FBN3: variants seen among roughly 807,000 people sequenced by gnomAD.
FBN3 encodes fibrillin 3.
A neutral mutation model predicts 330.1 loss-of-function variants in FBN3; 234 were observed. The ratio of observed to expected loss-of-function variants is 0.71; its 90% CI spans 0.64 to 0.79. The LOEUF is 0.79. Ranked by LOEUF, FBN3 falls within the 30% of genes least tolerant of loss-of-function variation. The probability of loss-of-function intolerance (pLI) is 0.00; values close to 1 mark genes in which losing one functional copy is unlikely to be tolerated. For missense variants in FBN3, 3,606 were observed against 3,886.9 expected (o/e 0.93, Z 1.92); for synonymous variants, 1,458 against 1,517.3 (o/e 0.96, Z 0.91).
Position 8,073,226 on chromosome 19 carries a change from G to T in FBN3, c.7774C>A (p.Arg2592Ser), listed in dbSNP as rs368849172. ...TCAAAGCCAGAGGGGCAGACGCAGCGGAAGCCACCAAGAGTGTTGCGACAG... is the reference window on the plus strand; with the variant it reads ...TCAAAGCCAGAGGGGCAGACGCAGCTGAAGCCACCAAGAGTGTTGCGACAG... Reference protein sequence around the residue: ...ASCRNTLGGFRCVCPSGFDFD... With the variant: ...ASCRNTLGGFSCVCPSGFDFD... Residue 2592 changes from arginine (R) to serine (S), a missense_variant, in exon 62 of 64, where the codon CGC becomes AGC. Arg to Ser is a moderately radical substitution (Grantham distance 110). Coordinates refer to ENST00000600128, the MANE Select transcript of FBN3 (RefSeq NM_032447.5). 1.2e-6 allele frequency: 2 copies of T among 1,613,980 alleles called. No individual in the cohort carries two copies. Among genetic ancestry groups the T allele is most frequent in the East Asian group, 2.2e-5 (1 of 44,894 alleles).
In FBN3 at chr19:8,089,928, G is replaced by A. The variant is rs780744349; in HGVS notation, c.6216C>T (p.His2072=). 8 of 1,608,074 alleles carry A rather than the reference G, an allele frequency of 5.0e-6. No individual in the cohort carries two copies. Among genetic ancestry groups the A allele is most frequent in the East Asian group, 2.2e-5 (1 of 44,738 alleles). Residue 2072 remains histidine, a synonymous_variant, in exon 50 of 64, where the codon CAC becomes CAT. Coordinates refer to ENST00000600128, the MANE Select transcript of FBN3 (RefSeq NM_032447.5). The part of the protein sequence containing the change: ...AAFQELCPFG[H]GAVPGPDDSR... ...AGTCATCCGGGCCTGGGACTGCCCCGTGGCCAAAGGGGCAGAGCTCCTGAA... is the reference window on the plus strand; with the variant it reads ...AGTCATCCGGGCCTGGGACTGCCCCATGGCCAAAGGGGCAGAGCTCCTGAA...
chr19:8,126,783 G>T lies in FBN3; in HGVS notation c.2346C>A (p.Asn782Lys), dbSNP rs771305980. The change falls in exon 19 of 64, where the codon AAC becomes AAA. Residue 782 changes from asparagine to lysine, a missense_variant. Transcript: ENST00000600128. Reference sequence around the variant, plus strand: ...ATTTGCAGGTGTAGGAGCCGGCCAGGTTCCGACAGACGCCACTCACACACG... The same window carrying T: ...ATTTGCAGGTGTAGGAGCCGGCCAGTTTCCGACAGACGCCACTCACACACG... Reference protein sequence around the residue: ...SSPCVSGVCRNLAGSYTCKCG... With the variant: ...SSPCVSGVCRKLAGSYTCKCG... 6 of 1,591,760 alleles carry T rather than the reference G, an allele frequency of 3.8e-6. No individual in the cohort carries two copies. The East Asian group carries it at 8.9e-5, about 24-fold the overall frequency.
In FBN3 at chr19:8,065,835, A is replaced by C; in HGVS notation, c.*84T>G. On this transcript the variant is annotated 3_prime_UTR_variant, in exon 64 of 64. Transcript: ENST00000600128. ...CTGAGTTTCGGGGTTCAATCTGGTC[A>C]GCCATCGCTTCTGGGGATCAGTCCT... The C allele has an allele frequency of 8.7e-7, 1 of 1,145,762 alleles. No individual in the cohort carries two copies. The allele number at this position is 1,145,762 out of a possible 1,614,324, so 71.0% of individuals were successfully genotyped here.
In FBN3 at chr19:8,095,469, C is replaced by T. The variant is rs1014398666; in HGVS notation, c.5691G>A (p.Val1897=). The T allele has an allele frequency of 2.5e-6, 4 of 1,613,690 alleles. No individual in the cohort carries two copies. The Admixed American group carries it at 5.0e-5, about 20-fold the overall frequency. The change falls in exon 46 of 64, where the codon GTG becomes GTA. Residue 1897 remains valine, a synonymous_variant. Transcript: ENST00000600128. ...FDECTTLVGQ[V]CRFGHCLNTA... is the part of the protein sequence containing the mutation. ...TGTTGAGGCAATGGCCAAATCGGCA[C>T]ACCTGCCCCACCAGGGTAGTACACT...
chr19:8,111,019 T>C (rs2144823252), intron 33 of FBN3, 39 bp downstream of exon 33: 1 of 1,613,892 alleles, frequency 6.2e-7, no homozygotes, highest in Middle Eastern at 1.6e-4. Context: ...AGGGGGGACC[T>C]ACCCACTCTG....
intron 63 of FBN3, 103 bp from the exon 64 acceptor site, chr19:8,066,363 CT>C (rs2145321469): frequency 1.2e-6 from 1 of 839,334 alleles, no homozygotes; most frequent in East Asian, 2.7e-5. Context: ...TCTGGCCAAT[CT>C]CTAAAGTGAA....
intron 33 of FBN3, 43 bp from the exon 34 acceptor site, chr19:8,111,010 G>A: frequency 6.2e-7 from 1 of 1,613,950 alleles, no homozygotes; most frequent in Non-Finnish European, 8.5e-7. Context: ...AGAGTCTGCA[G>A]GGGGGACCTA....
rs113624531 is a variant in FBN3 at position 8,079,804 on chromosome 19, G to A, written c.7453+1199C>T. Among the ~76,000 whole-genome samples the A allele has an allele frequency of 5.5e-3, 830 of 152,162 alleles. 12 individuals carry two copies. Among genetic ancestry groups the A allele is most frequent in the African/African-American group, 0.019 (799 of 41,504 alleles). ...GGGGTTTTGTCATGTTGGCCAGGCT[G>A]GTCTCGAATTCCTGGCCTCAAGTGA... is the stretch of plus-strand genomic sequence containing the variant. On this transcript the variant is annotated intron_variant, in intron 59 of 63. Coordinates refer to ENST00000600128, the MANE Select transcript of FBN3 (RefSeq NM_032447.5).
intron 19 of FBN3, 48 bp from the exon 20 acceptor site, chr19:8,126,653 T>C: frequency 6.3e-7 from 1 of 1,598,942 alleles, no homozygotes; most frequent in Admixed American, 1.7e-5. Flanking sequence ...GCCCTACACC[T>C]GCACCCTGAC....
At chr19:8,094,040 C>G (rs12151028) in intron 47 of FBN3, among the ~76,000 whole-genome samples, 17,963 of 152,112 alleles carry the variant, frequency 0.12, 1,397 homozygotes, top group East Asian at 0.26. Flanking sequence ...GAGGCTAGTC[C>G]AAGTGGATAA....
In FBN3 at chr19:8,121,490, GC is replaced by G; in HGVS notation, c.3083-105del. The G allele has an allele frequency of 8.2e-7, 1 of 1,222,452 alleles. No individual in the cohort carries two copies. Among genetic ancestry groups the G allele is most frequent in the Non-Finnish European group, 1.1e-6 (1 of 902,644 alleles). 75.7% of individuals were successfully genotyped at this position (1,222,452 alleles called of 1,614,324 possible). A position where few individuals can be genotyped will look rare whatever the true frequency, so the allele number is the denominator to read the frequency against. On this transcript the variant is annotated intron_variant, in intron 24 of 63. Transcript: ENST00000600128. This position sits in a 1 kb window ranked among gnomAD's most constrained non-coding sequence, Gnocchi z 4.5. ...TTGATGGAGGTGTGGGCTAGAGGAAGCCCATCTGCAGACATAAGGAGGCACA... is the reference window on the plus strand; with the variant it reads ...TTGATGGAGGTGTGGGCTAGAGGAAGCCATCTGCAGACATAAGGAGGCACA...
rs753450500 is a variant in FBN3 at position 8,119,073 on chromosome 19, G to A, written c.3212-51C>T. On this transcript the variant is annotated intron_variant, in intron 25 of 63. Coordinates refer to ENST00000600128, the MANE Select transcript of FBN3 (RefSeq NM_032447.5). Reference sequence around the variant, plus strand: ...GCAGGCATGAAGGTGCTGATGCAGGGAGGGGGTGATGAGGCTCATGCTGGC... The same window carrying A: ...GCAGGCATGAAGGTGCTGATGCAGGAAGGGGGTGATGAGGCTCATGCTGGC... 1.1e-5 allele frequency: 17 copies of A among 1,558,218 alleles called. No individual in the cohort carries two copies. In the East Asian group the frequency reaches 3.2e-4, roughly 29 times the overall value.
At chr19:8,108,138 A>G (rs2082489361) in intron 37 of FBN3, 32 bp downstream of exon 37, 2 of 1,599,326 alleles carry the variant, frequency 1.3e-6, no homozygotes, top group Non-Finnish European at 1.7e-6. Context: ...CTCTAGGCAG[A>G]CAGATGGATG....
At position 8,075,433 on chromosome 19, in the gene FBN3, C is replaced by T. The variant is rs764963517; in HGVS notation, c.7454-22G>A. ...TTGTCTGCAGAGGAGAGAGATCAGG[C>T]AGGGTTGCCTGCTGGTTAAGGAACT... On this transcript the variant is annotated intron_variant, in intron 59 of 63. Transcript: ENST00000600128. 5 of 1,602,566 alleles carry T rather than the reference C, an allele frequency of 3.1e-6. No individual in the cohort carries two copies. The African/African-American group carries it at 5.4e-5, about 17-fold the overall frequency.
At chr19:8,072,973 G>GTGTGTT in intron 62 of FBN3, 90 bp downstream of exon 62, 1 of 504,300 alleles carries the variant, frequency 2.0e-6, no homozygotes, top group South Asian at 2.2e-5. Context: ...CCCCGTGTGT[G>GTGTGTT]TGTGTGTGTG....
At chr19:8,124,122 G>C (rs919502183) in intron 22 of FBN3, 114 bp from the exon 23 acceptor site, 2 of 864,192 alleles carry the variant, frequency 2.3e-6, no homozygotes, top group Admixed American at 4.2e-5. Context: ...TAGTCAGGTC[G>C]AGGGCCAGAG....
rs1405979984 is a variant in FBN3 at position 8,085,475 on chromosome 19, GC to G, written c.6974del (p.Cys2325SerfsTer40). The stretch of plus-strand genomic sequence containing the variant: ...GCCCCCAGCCCCGGCCACCCCCACA[GC>G]AGCACTCGGCCCTGGTGACAGCCTC... ...SSEAVTRAEC[C>X]CGGGRGWGPR... On this transcript the variant is annotated frameshift_variant, in exon 56 of 64. Transcript: ENST00000600128. LOFTEE classifies it high-confidence loss of function. The G allele has an allele frequency of 1.3e-6, 2 of 1,587,744 alleles. No homozygotes were observed. Among genetic ancestry groups the G allele is most frequent in the African/African-American group, 1.3e-5 (1 of 74,548 alleles).
intron 61 of FBN3, among the ~76,000 whole-genome samples, chr19:8,074,021 G>T (rs1234328275): frequency 6.6e-6 from 1 of 152,150 alleles, no homozygotes; most frequent in African/African-American, 2.4e-5. Context: ...TACTATGGGG[G>T]TAAAATGGTC....
intron 10 of FBN3, among the ~76,000 whole-genome samples, chr19:8,137,609 C>CTTATTTATTTAT (rs3075768): frequency 0.069 from 10,135 of 146,434 alleles, 593 homozygotes; most frequent in South Asian, 0.2. Context: ...CGAACTCTGA[C>CTTATTTATTTAT]TTATTTATTT....
Sources: allele counts gnomAD v4.1 joint callset (sites outside exome capture counted in the v4.1 genomes callset), GRCh38; gene constraint gnomAD v4.1.1; non-coding constraint Gnocchi (gnomAD v3.1); transcripts MANE v1.5; gene names NCBI Gene and HGNC (gene_info 2026-07-23, HGNC 2026-07-21).